The following SYNJ2 variants were observed in gnomAD, a reference collection of about 807,000 sequenced individuals.
The protein encoded by SYNJ2 is synaptojanin 2.
In SYNJ2, 116 loss-of-function variants were observed where a neutral mutation model predicts 141.3. That is an observed-to-expected ratio of 0.82 (90% CI 0.71 to 0.96). SYNJ2 has a LOEUF of 0.96. Ranked by LOEUF, SYNJ2 falls within the 40% of genes least tolerant of loss-of-function variation. The pLI is 0.00. For synonymous variants in SYNJ2, 745 were observed against 777.7 expected (o/e 0.96, Z 0.70); for missense variants, 1,873 against 1,934.8 (o/e 0.97, Z 0.60).
At chr6:158,066,733 C>T (rs1358571158) in intron 12 of SYNJ2, 98 bp downstream of exon 12, 5 of 1,382,218 alleles carry the variant, frequency 3.6e-6, no homozygotes, top group Non-Finnish European at 5.0e-6. Flanking sequence ...GGAATTTCAT[C>T]TTTGGTGTCT....
intron 11 of SYNJ2, among the ~76,000 whole-genome samples, chr6:158,065,577 T>C (rs1781515193): frequency 6.6e-6 from 1 of 152,214 alleles, no homozygotes; most frequent in Non-Finnish European, 1.5e-5. Flanking sequence ...CATGGAAAAG[T>C]AGGGGAAACC....
rs768445873 is a variant in SYNJ2, at chr6:158,074,607, G to A, written c.2161G>A (p.Val721Ile). The A allele has an allele frequency of 1.2e-6, 2 of 1,612,932 alleles. No individual in the cohort carries two copies. Among genetic ancestry groups the A allele is most frequent in the South Asian group, 2.2e-5 (2 of 90,574 alleles). The change falls in exon 16 of 27, where the codon GTA (valine) becomes ATA (isoleucine). Residue 721 changes from valine to isoleucine, a missense_variant. By Grantham distance (29) the Val-to-Ile change is conservative. Coordinates refer to ENST00000355585, the MANE Select transcript of SYNJ2 (RefSeq NM_003898.4). ...MGRNVFSHDY[V>I]FWCGDFNYRI... ...GAGAAATGTTTTTTCTCATGATTAT[G>A]TATTTTGGTGTGGCGATTTCAACTA...
intron 1 of SYNJ2, among the ~76,000 whole-genome samples, chr6:158,010,353 G>A (rs983439426): frequency 2.0e-5 from 3 of 152,208 alleles, no homozygotes; most frequent in African/African-American, 7.2e-5. Context: ...TAGGGTGCGG[G>A]GTGACTCTGG....
At chr6:158,067,303 G>A (rs1345473342) in intron 12 of SYNJ2, 7 of 494,614 alleles carry the variant, frequency 1.4e-5, no homozygotes, top group South Asian at 8.7e-5. Context: ...ACAGGCATGC[G>A]CCACCGCGCC....
Position 158,081,283 on chromosome 6 carries a change from G to A in SYNJ2, c.2742G>A (p.Glu914=), listed in dbSNP as rs774325711. 3 of 1,614,172 alleles carry A rather than the reference G, an allele frequency of 1.9e-6. No individual in the cohort carries two copies. The South Asian group carries it at 3.3e-5, about 18-fold the overall frequency. ...KNEFPEDLRT[E]LMQTLGSYGT... is the part of the protein sequence containing the mutation. ...AGTTTCCAGAGGACCTGCGTACTGA[G>A]CTCATGCAGACCTTGGGGAGTTATG... The change falls in exon 19 of 27, where the codon GAG becomes GAA. Residue 914 remains glutamate (E), a synonymous_variant. Transcript: ENST00000355585.
chr6:157,987,726 T>A (rs1045771127), intron 1 of SYNJ2, among the ~76,000 whole-genome samples: 5 of 152,222 alleles, frequency 3.3e-5, no homozygotes, highest in Non-Finnish European at 7.3e-5. Flanking sequence ...GGGAGAACAT[T>A]TGAAATTTAC....
intron 5 of SYNJ2, among the ~76,000 whole-genome samples, chr6:158,044,034 T>C (rs1193215465): frequency 6.6e-6 from 1 of 152,094 alleles, no homozygotes; most frequent in African/African-American, 2.4e-5. Context: ...TCTAACAAGG[T>C]GGGTTATGGG....
intron 9 of SYNJ2, 123 bp downstream of exon 9, chr6:158,063,995 T>C: frequency 1.0e-6 from 1 of 994,328 alleles, no homozygotes; most frequent in Non-Finnish European, 1.5e-6. Flanking sequence ...ACCTTCTGAC[T>C]ATGGGGAAGG....
chr6:157,987,132 G>A (rs1777237071), intron 1 of SYNJ2, among the ~76,000 whole-genome samples: 2 of 152,020 alleles, frequency 1.3e-5, no homozygotes, highest in South Asian at 4.1e-4. Context: ...GACTATAGGC[G>A]TGTGCTACCA....
At position 158,096,008 on chromosome 6, in the gene SYNJ2, C is replaced by T; in HGVS notation, c.4135C>T (p.Pro1379Ser). 1.2e-6 allele frequency: 2 copies of T among 1,614,242 alleles called. No homozygotes were observed. Among genetic ancestry groups the T allele is most frequent in the Non-Finnish European group, 1.7e-6 (2 of 1,180,044 alleles). ...CCCACCTGCCGCGGGCACCGTCTTC[C>T]CACAAGGGGACTTTCTCAGCACTTC... is the stretch of plus-strand genomic sequence containing the variant. ...GHPPAAGTVF[P>S]QGDFLSTSSA... The change falls in exon 27 of 27, where the codon CCA becomes TCA. Residue 1379 changes from proline (P) to serine (S), a missense_variant. Transcript: ENST00000355585.
At chr6:157,995,011 T>A (rs569732684) in intron 1 of SYNJ2, among the ~76,000 whole-genome samples, 5 of 152,188 alleles carry the variant, frequency 3.3e-5, no homozygotes, top group Non-Finnish European at 7.3e-5. Flanking sequence ...AGAAGCTATA[T>A]GGGCCCCAGA....
chr6:158,029,226 C>T (rs1779229206), intron 3 of SYNJ2, 200 bp downstream of exon 3: 2 of 656,314 alleles, frequency 3.0e-6, no homozygotes, highest in East Asian at 2.9e-5. Context: ...CCACCCCTGG[C>T]CCCTGGAATG....
At chr6:158,007,938 A>T (rs958700400) in intron 1 of SYNJ2, among the ~76,000 whole-genome samples, 1 of 152,116 alleles carries the variant, frequency 6.6e-6, no homozygotes, top group African/African-American at 2.4e-5. Context: ...ACAGGCTCCC[A>T]CCACCACGCC....
intron 1 of SYNJ2, among the ~76,000 whole-genome samples, chr6:158,013,593 C>T (rs372248815): frequency 6.6e-6 from 1 of 152,124 alleles, no homozygotes; most frequent in African/African-American, 2.4e-5. Flanking sequence ...AGTGGATCCT[C>T]ATTATTTGTG....
intron 4 of SYNJ2, among the ~76,000 whole-genome samples, chr6:158,038,772 C>T (rs1779774252): frequency 6.6e-6 from 1 of 152,228 alleles, no homozygotes; most frequent in Non-Finnish European, 1.5e-5. Context: ...TGCTGCCGCC[C>T]TTCCAGGTGG....
In SYNJ2 at chr6:158,040,991, G is replaced by A. The variant is rs564641688; in HGVS notation, c.712-2325G>A. 2.0e-5 allele frequency among the ~76,000 whole-genome samples: 3 copies of A among 152,184 alleles called. No individual in the cohort carries two copies. The highest frequency in any genetic ancestry group is 2.9e-5 in the Non-Finnish European group (2 of 68,034). ...CTCTCTCCGACGCCAGCAGGTGCCCGCATGCATAGTCATAGCGTCAGGGCC... is the reference window on the plus strand; with the variant it reads ...CTCTCTCCGACGCCAGCAGGTGCCCACATGCATAGTCATAGCGTCAGGGCC... On this transcript the variant is annotated intron_variant, in intron 4 of 26. Coordinates refer to ENST00000355585, the MANE Select transcript of SYNJ2 (RefSeq NM_003898.4). The surrounding 1 kb of genome is among the most constrained non-coding windows in gnomAD (Gnocchi z 4.2).
chr6:158,038,955 C>T (rs1779787544), intron 4 of SYNJ2, among the ~76,000 whole-genome samples: 3 of 152,202 alleles, frequency 2.0e-5, no homozygotes, highest in South Asian at 4.1e-4. Context: ...GCTTCCTGCA[C>T]ACATGGGACC....
intron 1 of SYNJ2, among the ~76,000 whole-genome samples, chr6:157,999,849 G>A (rs1368656551): frequency 6.6e-6 from 1 of 152,182 alleles, no homozygotes; most frequent in Non-Finnish European, 1.5e-5. Flanking sequence ...AGGTGACTGG[G>A]AGACCTGTTC....
intron 25 of SYNJ2, among the ~76,000 whole-genome samples, chr6:158,091,773 T>C (rs750713795): frequency 3.4e-5 from 5 of 147,250 alleles, no homozygotes; most frequent in Non-Finnish European, 6.0e-5. Context: ...AAAAAAAGAA[T>C]GAAGTGCTGA....
Sources: gnomAD v4.1 joint callset for allele counts (sites outside exome capture counted in the v4.1 genomes callset) on GRCh38, gnomAD v4.1.1 for gene constraint, Gnocchi (gnomAD v3.1) non-coding constraint, MANE v1.5 for transcripts, NCBI Gene and HGNC (gene_info 2026-07-23, HGNC 2026-07-21) for gene names.